DSG1: variants seen among roughly 807,000 people sequenced by gnomAD.
DSG1 encodes desmoglein 1.
Under a neutral mutation model 97.5 loss-of-function variants are expected in DSG1, and 39 were observed. The ratio of observed to expected loss-of-function variants is 0.40; its 90% CI spans 0.31 to 0.52. DSG1 has a LOEUF of 0.52. DSG1 is among the 20% of genes least tolerant of loss of function. The probability of loss-of-function intolerance (pLI) is 0.53; values close to 1 mark genes in which losing one functional copy is unlikely to be tolerated. For missense variants in DSG1, 1,311 were observed against 1,295.4 expected (o/e 1.01, Z -0.18); for synonymous variants, 475 against 443.4 (o/e 1.07, Z -0.90).
chr18:31,343,314 T>C (rs1176335384), intron 11 of DSG1, 136 bp from the exon 12 acceptor site: 5 of 1,239,242 alleles, frequency 4.0e-6, no homozygotes, highest in South Asian at 1.2e-5. Context: ...ATTCAGCTTG[T>C]ATTCTGAAAC....
chr18:31,324,152 T>G (rs1433746641), intron 1 of DSG1, among the ~76,000 whole-genome samples: 2 of 151,732 alleles, frequency 1.3e-5, no homozygotes, highest in African/African-American at 2.4e-5. Context: ...CCCAGCTAAT[T>G]TTTGTATTTT....
intron 1 of DSG1, among the ~76,000 whole-genome samples, chr18:31,325,391 A>C (rs1394057205): frequency 1.3e-5 from 2 of 152,220 alleles, no homozygotes; most frequent in African/African-American, 4.8e-5. Context: ...TTCTGTAGCT[A>C]TGAAGAAATG....
rs191799819 is a variant in DSG1, at chr18:31,336,649, A to G, written c.1265+36A>G. 280 of 1,608,188 alleles carry G rather than the reference A, an allele frequency of 1.7e-4. No homozygotes were observed. The African/African-American group carries it at 3.2e-3, about 19-fold the overall frequency. On this transcript the variant is annotated intron_variant, in intron 9 of 14. Coordinates refer to ENST00000257192, the MANE Select transcript of DSG1 (RefSeq NM_001942.4). ...GATTTTCAACTAATTTTCCTTACAT[A>G]TTGAACTTAAGTACATATGTTCTTT...
chr18:31,353,860 A>G (rs57918116), intron 14 of DSG1: 6,020 of 243,220 alleles, frequency 0.025, 400 homozygotes, highest in African/African-American at 0.13. Context: ...ACTGACCTGC[A>G]CCCACTGTCT....
In DSG1 at chr18:31,347,975, T is replaced by A. The variant is rs182770422; in HGVS notation, c.2100+1777T>A. 3.3e-5 allele frequency among the ~76,000 whole-genome samples: 5 copies of A among 152,288 alleles called. No homozygotes were observed. In the East Asian group the frequency reaches 7.7e-4, roughly 23 times the overall value. Reference sequence around the variant, plus strand: ...TTATAAATAATTCATGTGATTTTTTTTTATTATTATACTTTAAGTTTTAGG... The same window carrying A: ...TTATAAATAATTCATGTGATTTTTTATTATTATTATACTTTAAGTTTTAGG... On this transcript the variant is annotated intron_variant, in intron 14 of 14. Coordinates refer to ENST00000257192, the MANE Select transcript of DSG1 (RefSeq NM_001942.4).
intron 10 of DSG1, among the ~76,000 whole-genome samples, chr18:31,339,082 A>G (rs1325203343): frequency 4.6e-5 from 7 of 152,116 alleles, no homozygotes; most frequent in Non-Finnish European, 7.4e-5. Context: ...TTCCACTTTC[A>G]ATAATATTAG....
In DSG1 at chr18:31,326,635, A is replaced by G. The variant is rs765416227; in HGVS notation, c.84+19A>G. 8 of 1,579,938 alleles carry G rather than the reference A, an allele frequency of 5.1e-6. No homozygotes were observed. The highest frequency in any genetic ancestry group is 1.7e-4 in the Middle Eastern group (1 of 5,990). ...AATCCAGGTAATATATAACAAATCC[A>G]TTTTTCCAAATTTTTAAACAAGAAA... On this transcript the variant is annotated intron_variant, in intron 2 of 14. Coordinates refer to ENST00000257192, the MANE Select transcript of DSG1 (RefSeq NM_001942.4).
intron 8 of DSG1, 75 bp from the exon 9 acceptor site, chr18:31,336,279 A>G (rs2071751629): frequency 2.2e-6 from 3 of 1,348,950 alleles, no homozygotes; most frequent in Non-Finnish European, 1.0e-6. Context: ...TTTTTTTGCT[A>G]TTATCAAAGG....
intron 6 of DSG1, 72 bp downstream of exon 6, chr18:31,331,939 CAAAG>C (rs923389842): frequency 1.0e-5 from 15 of 1,429,108 alleles, no homozygotes; most frequent in Admixed American, 3.6e-5. Context: ...ACTGAAGAGA[CAAAG>C]AGATGAAGAA....
chr18:31,349,064 G>T (rs1405466058), intron 14 of DSG1, among the ~76,000 whole-genome samples: 3 of 101,506 alleles, frequency 3.0e-5, no homozygotes, highest in Non-Finnish European at 3.9e-5. Context: ...GAATGGTAAT[G>T]CCTAGGTTTT....
chr18:31,340,619 A>G (rs1354504528), intron 11 of DSG1, among the ~76,000 whole-genome samples: 7 of 152,054 alleles, frequency 4.6e-5, no homozygotes, highest in Admixed American at 1.3e-4. Flanking sequence ...ATTTTAAAAG[A>G]TGAATAAGAA....
rs2071966943 is a variant in DSG1 at position 31,357,228 on chromosome 18, C to G, written c.*1882C>G. Among the ~76,000 whole-genome samples the G allele has an allele frequency of 6.6e-6, 1 of 152,006 alleles. No individual in the cohort carries two copies. Among genetic ancestry groups the G allele is most frequent in the African/African-American group, 2.4e-5 (1 of 41,416 alleles). On this transcript the variant is annotated 3_prime_UTR_variant, in exon 15 of 15. Coordinates refer to ENST00000257192, the MANE Select transcript of DSG1 (RefSeq NM_001942.4). ...AGCCACAGTATACATCTTCTTTTAA[C>G]TCTGTAGAATATGTAAAATTTTGAT...
rs1033549270 is a variant in DSG1 at position 31,358,035 on chromosome 18, A to G, written c.*2689A>G. On this transcript the variant is annotated 3_prime_UTR_variant, in exon 15 of 15. Coordinates refer to ENST00000257192, the MANE Select transcript of DSG1 (RefSeq NM_001942.4). ...CTAGATCATATACATCATGTCATAG[A>G]CCAAGAAGAGATATGGAAATTATTT... Among the ~76,000 whole-genome samples the G allele has an allele frequency of 1.3e-5, 2 of 152,042 alleles. No homozygotes were observed. Among genetic ancestry groups the G allele is most frequent in the African/African-American group, 4.8e-5 (2 of 41,446 alleles).
rs975229316 is a variant in DSG1, at chr18:31,331,931, T to C, written c.684+64T>C. On this transcript the variant is annotated intron_variant, in intron 6 of 14. Transcript: ENST00000257192. ...GAACTGATTCTAAAAGCAAGGATACTGAAGAGACAAAGAGATGAAGAAAAT... is the reference window on the plus strand; with the variant it reads ...GAACTGATTCTAAAAGCAAGGATACCGAAGAGACAAAGAGATGAAGAAAAT... The C allele has an allele frequency of 4.0e-6, 6 of 1,494,794 alleles. No homozygotes were observed. In the Admixed American group the frequency reaches 8.6e-5, roughly 21 times the overall value. The allele number at this position is 1,494,794 out of a possible 1,614,324, so 92.6% of individuals were successfully genotyped here.
Position 31,355,558 on chromosome 18 carries a change from A to C in DSG1, c.*212A>C. 1 of 584,432 alleles carries C rather than the reference A, an allele frequency of 1.7e-6. No homozygotes were observed. Among genetic ancestry groups the C allele is most frequent in the Non-Finnish European group, 3.0e-6 (1 of 330,890 alleles). The allele number at this position is 584,432 out of a possible 1,614,324, so 36.2% of individuals were successfully genotyped here. A position where few individuals can be genotyped will look rare whatever the true frequency, so the allele number is the denominator to read the frequency against. On this transcript the variant is annotated 3_prime_UTR_variant, in exon 15 of 15. Transcript: ENST00000257192. ...TAAACTTTTCTCTTATATTAGGACT[A>C]AGGAACTAAAACTTGAGGCAGAGTC... is the stretch of plus-strand genomic sequence containing the variant.
In DSG1 at chr18:31,343,436, C is replaced by T; in HGVS notation, c.1688-14C>T. On this transcript the variant is annotated splice_polypyrimidine_tract_variant and intron_variant, in intron 11 of 14. Transcript: ENST00000257192. Reference sequence around the variant, plus strand: ...CCAGTGCTAACTCTAGTATTACTATCCCTCCACCACCAGTGGTCCCATTTT... The same window carrying T: ...CCAGTGCTAACTCTAGTATTACTATTCCTCCACCACCAGTGGTCCCATTTT... 6.2e-7 allele frequency: 1 copy of T among 1,614,054 alleles called. No homozygotes were observed.
Position 31,354,808 on chromosome 18 carries a change from C to T in DSG1, c.2612C>T (p.Pro871Leu), listed in dbSNP as rs760957743. 3 of 1,614,018 alleles carry T rather than the reference C, an allele frequency of 1.9e-6. No homozygotes were observed. Among genetic ancestry groups the T allele is most frequent in the African/African-American group, 1.3e-5 (1 of 74,916 alleles). ...NVVVTERVVG[P>L]ISGADLHGML... is the part of the protein sequence containing the mutation. ...GTAGTGACAGAGAGAGTGGTCGGCC[C>T]AATCTCTGGCGCTGATTTGCATGGA... The change falls in exon 15 of 15, where the codon CCA becomes CTA. Residue 871 changes from proline (P) to leucine (L), a missense_variant. Transcript: ENST00000257192.
In DSG1 at chr18:31,333,579, G is replaced by A. The variant is rs764078467; in HGVS notation, c.685-10G>A. 1.9e-6 allele frequency: 3 copies of A among 1,613,714 alleles called. No individual in the cohort carries two copies. The highest frequency in any genetic ancestry group is 1.1e-5 in the South Asian group (1 of 91,074). On this transcript the variant is annotated splice_polypyrimidine_tract_variant and intron_variant, in intron 6 of 14. Transcript: ENST00000257192. Reference sequence around the variant, plus strand: ...TCAAGTGTGATATTGCCTGTAATATGTATTTTTAGCAATACGGCCAGTATG... The same window carrying A: ...TCAAGTGTGATATTGCCTGTAATATATATTTTTAGCAATACGGCCAGTATG...
intron 6 of DSG1, among the ~76,000 whole-genome samples, chr18:31,333,387 G>A (rs926147783): frequency 2.6e-5 from 4 of 152,038 alleles, no homozygotes; most frequent in East Asian, 1.9e-4. Flanking sequence ...CTTTTAAAAC[G>A]TGTTGCATCT....
Sources: allele counts gnomAD v4.1 joint callset (sites outside exome capture counted in the v4.1 genomes callset), GRCh38; gene constraint gnomAD v4.1.1; transcripts MANE v1.5; gene names NCBI Gene and HGNC (gene_info 2026-07-23, HGNC 2026-07-21).